Variants in ECE1 observed in about 807,000 individuals in gnomAD.
ECE1 encodes endothelin-converting enzyme 1.
Under a neutral mutation model 98.6 loss-of-function variants are expected in ECE1, and 35 were observed. The observed-to-expected ratio is 0.35, with a 90% CI of 0.27 to 0.47. ECE1 has a LOEUF of 0.47. ECE1 is among the 20% of genes least tolerant of loss of function. ECE1 has a pLI of 1.00. For missense variants in ECE1, 814 were observed against 1,025.3 expected (o/e 0.79, Z 2.81); for synonymous variants, 394 against 407.1 (o/e 0.97, Z 0.39).
At chr1:21,289,571 G>A (rs1467023606) in intron 2 of ECE1, among the ~76,000 whole-genome samples, 2 of 152,172 alleles carry the variant, frequency 1.3e-5, no homozygotes, top group African/African-American at 4.8e-5. Flanking sequence ...CTCAGGTATT[G>A]GGAGGGCAAG....
intron 6 of ECE1, 144 bp from the exon 7 acceptor site, chr1:21,257,734 A>C: frequency 1.2e-6 from 1 of 864,038 alleles, no homozygotes; most frequent in Non-Finnish European, 1.9e-6. Flanking sequence ...GGCTACAGTC[A>C]CTGAGAAGCC....
At position 21,340,752 on chromosome 1, in the gene ECE1, G is replaced by C. The variant is rs1273147228; in HGVS notation, c.3+4624C>G. 6.6e-6 allele frequency among the ~76,000 whole-genome samples: 1 copy of C among 152,156 alleles called. No homozygotes were observed. The highest frequency in any genetic ancestry group is 2.4e-5 in the African/African-American group (1 of 41,434). On this transcript the variant is annotated intron_variant, in intron 1 of 18. Transcript: ENST00000415912. This position sits in a 1 kb window ranked among gnomAD's most constrained non-coding sequence, Gnocchi z 4.6. ...CTCGGGAGACTGAGGAGAATCACTT[G>C]AACCAGGGAGGCTGAGGCTGCAGTG... is the stretch of plus-strand genomic sequence containing the variant.
At chr1:21,335,242 GGCCGCTCCTC>G (rs1236305211) in intron 1 of ECE1, among the ~76,000 whole-genome samples, 1 of 149,642 alleles carries the variant, frequency 6.7e-6, no homozygotes, top group Non-Finnish European at 1.5e-5. Flanking sequence ...CTCCTTTCCT[GGCCGCTCCTC>G]TAGAGCGGCC....
chr1:21,315,611 T>C (rs917004993), intron 1 of ECE1, among the ~76,000 whole-genome samples: 1 of 151,970 alleles, frequency 6.6e-6, no homozygotes, highest in Non-Finnish European at 1.5e-5. Context: ...CTGGCCAACA[T>C]GGTGAAACTC....
At position 21,221,795 on chromosome 1, in the gene ECE1, G is replaced by A. The variant is rs376856368; in HGVS notation, c.2088C>T (p.Pro696=). Residue 696 remains proline (P), a synonymous_variant, in exon 18 of 19, where the codon CCC becomes CCT. Coordinates refer to ENST00000374893, the MANE Select transcript of ECE1 (RefSeq NM_001397.3). Reference sequence around the variant, plus strand: ...GCTGGTTATTGGTGAGGCCCAGGGTGGGGAGCGAGTGCTCAGCCCCGTTCT... The same window carrying A: ...GCTGGTTATTGGTGAGGCCCAGGGTAGGGAGCGAGTGCTCAGCCCCGTTCT... ...VKKNGAEHSL[P]TLGLTNNQLF... The A allele has an allele frequency of 7.3e-5, 118 of 1,614,232 alleles. No homozygotes were observed. Among genetic ancestry groups the A allele is most frequent in the Non-Finnish European group, 9.8e-5 (116 of 1,180,050 alleles).
intron 1 of ECE1, among the ~76,000 whole-genome samples, chr1:21,321,518 T>C (rs1023917153): frequency 6.6e-6 from 1 of 152,144 alleles, no homozygotes; most frequent in Non-Finnish European, 1.5e-5. Context: ...GTAATCAATA[T>C]GGAATGAGCA....
At chr1:21,305,424 ACAACTGTAAAT>A (rs1638574604) in intron 1 of ECE1, among the ~76,000 whole-genome samples, 2 of 152,222 alleles carry the variant, frequency 1.3e-5, no homozygotes, top group African/African-American at 2.4e-5. Flanking sequence ...CAGGCCTCCG[ACAACTGTAAAT>A]GTTCCAGCAA....
At chr1:21,285,595 T>A (rs890302115) in intron 2 of ECE1, among the ~76,000 whole-genome samples, 2 of 149,786 alleles carry the variant, frequency 1.3e-5, no homozygotes, top group Admixed American at 6.7e-5. Flanking sequence ...GAGGCCAATG[T>A]GAGAGGATCG....
intron 10 of ECE1, among the ~76,000 whole-genome samples, chr1:21,242,956 T>A (rs1313057965): frequency 6.6e-6 from 1 of 152,198 alleles, no homozygotes; most frequent in Non-Finnish European, 1.5e-5. Context: ...CAGAACTTTT[T>A]TATCTTGCAA....
At chr1:21,222,010 T>C in intron 17 of ECE1, 168 bp from the exon 18 acceptor site, 1 of 698,074 alleles carries the variant, frequency 1.4e-6, no homozygotes, top group South Asian at 1.5e-5. Context: ...TGCACTCGTT[T>C]AGCCCTATGG....
chr1:21,326,782 G>C (rs1156821020), intron 1 of ECE1, among the ~76,000 whole-genome samples: 3 of 152,204 alleles, frequency 2.0e-5, no homozygotes, highest in African/African-American at 2.4e-5. Context: ...GCAGCCTGCA[G>C]TTACGGAGCC....
At chr1:21,251,088 G>T (rs546369120) in intron 8 of ECE1, among the ~76,000 whole-genome samples, 6 of 152,292 alleles carry the variant, frequency 3.9e-5, no homozygotes, top group Admixed American at 3.3e-4. Context: ...CACTGTGGAG[G>T]TCTAAAACCC....
At position 21,322,888 on chromosome 1, in the gene ECE1, C is replaced by T. The variant is rs1638995040; in HGVS notation, c.3+22488G>A. The stretch of plus-strand genomic sequence containing the variant: ...ATTTGTGCATGTTTGGTGAAAACCC[C>T]TCACTGGGGCTTTGGAGGGAGGGCA... On this transcript the variant is annotated intron_variant, in intron 1 of 18. Transcript: ENST00000415912. This position sits in a 1 kb window ranked among gnomAD's most constrained non-coding sequence, Gnocchi z 4.1. Among the ~76,000 whole-genome samples the T allele has an allele frequency of 6.6e-6, 1 of 152,108 alleles. No homozygotes were observed. The highest frequency in any genetic ancestry group is 2.4e-5 in the African/African-American group (1 of 41,418).
intron 8 of ECE1, among the ~76,000 whole-genome samples, chr1:21,248,576 G>T (rs2098207405): frequency 6.6e-6 from 1 of 152,024 alleles, no homozygotes. Context: ...GCCTCCAGCA[G>T]GTTGCACTTT....
intron 1 of ECE1, chr1:21,298,496 G>A (rs913752685): frequency 1.5e-5 from 5 of 325,902 alleles, no homozygotes; most frequent in Non-Finnish European, 3.1e-5. Context: ...AGATGATCAT[G>A]GTGCCGACCC....
intron 1 of ECE1, among the ~76,000 whole-genome samples, chr1:21,330,175 G>T: frequency 7.5e-6 from 1 of 132,802 alleles, no homozygotes; most frequent in Admixed American, 8.0e-5. Flanking sequence ...AGTCTCCCAG[G>T]TCCTATTCCT....
chr1:21,254,428 C>A (rs1252253635), intron 8 of ECE1, among the ~76,000 whole-genome samples: 4 of 152,060 alleles, frequency 2.6e-5, no homozygotes, highest in African/African-American at 7.2e-5. Flanking sequence ...TAAACTCCCC[C>A]CACCTTGGCA....
chr1:21,231,770 G>A (rs939103813), intron 14 of ECE1, among the ~76,000 whole-genome samples: 2 of 152,024 alleles, frequency 1.3e-5, no homozygotes, highest in African/African-American at 2.4e-5. Flanking sequence ...ATGCTACCAC[G>A]TCCAGCTAAT....
intron 1 of ECE1, among the ~76,000 whole-genome samples, chr1:21,329,926 C>T (rs1193752292): frequency 6.6e-6 from 1 of 152,138 alleles, no homozygotes; most frequent in African/African-American, 2.4e-5. Context: ...CAAGGCTAGG[C>T]CTTGTAGGGC....
Sources: gnomAD v4.1 joint callset for allele counts (sites outside exome capture counted in the v4.1 genomes callset) on GRCh38, gnomAD v4.1.1 for gene constraint, Gnocchi (gnomAD v3.1) non-coding constraint, MANE v1.5 for transcripts, NCBI Gene and HGNC (gene_info 2026-07-23, HGNC 2026-07-21) for gene names.